ESR1: variants seen among roughly 807,000 people sequenced by gnomAD.
The protein encoded by ESR1 is estrogen receptor 1.
ESR1 carries 12 observed loss-of-function variants against 52.7 expected under a neutral mutation model. That is an observed-to-expected ratio of 0.23 (90% CI 0.15 to 0.37). The LOEUF (loss-of-function observed/expected upper bound fraction) is 0.37, where lower values mean the gene tolerates loss of function less well. Among genes scored for constraint, ESR1 ranks in the 10% least tolerant of loss-of-function variants. The pLI, the probability that ESR1 is intolerant of heterozygous loss-of-function variation, is 1.00. For missense variants in ESR1, 584 were observed against 779.7 expected (o/e 0.75, Z 2.99); for synonymous variants, 305 against 316.8 (o/e 0.96, Z 0.39).
chr6:151,728,394 T>A (rs962401879), intron 2 of ESR1, among the ~76,000 whole-genome samples: 2 of 152,172 alleles, frequency 1.3e-5, no homozygotes, highest in African/African-American at 2.4e-5. Flanking sequence ...CATTGAAAAA[T>A]GTTTAAATCT....
intron 2 of ESR1, among the ~76,000 whole-genome samples, chr6:151,779,712 G>T (rs1270747829): frequency 6.6e-6 from 1 of 151,864 alleles, no homozygotes; most frequent in Non-Finnish European, 1.5e-5. Context: ...CTACTATAAA[G>T]ACACATGCAC....
intron 6 of ESR1, among the ~76,000 whole-genome samples, chr6:152,065,981 C>T (rs2047935042): frequency 6.6e-6 from 1 of 152,234 alleles, no homozygotes; most frequent in South Asian, 2.1e-4. Flanking sequence ...ATGGCAACAT[C>T]TCTAAAATGT....
At chr6:152,018,465 C>A (rs114607411) in intron 5 of ESR1, among the ~76,000 whole-genome samples, 2,244 of 151,830 alleles carry the variant, frequency 0.015, 55 homozygotes, top group African/African-American at 0.052. Flanking sequence ...TTGAATTCAT[C>A]CACGTGTGTT....
intron 2 of ESR1, among the ~76,000 whole-genome samples, chr6:151,739,874 A>C (rs1449755722): frequency 6.6e-6 from 1 of 151,972 alleles, no homozygotes; most frequent in African/African-American, 2.4e-5. Flanking sequence ...CATGGTCCTT[A>C]TTTGTCATCT....
At chr6:152,108,428 T>A in intron 6 of ESR1, among the ~76,000 whole-genome samples, 1 of 152,248 alleles carries the variant, frequency 6.6e-6, no homozygotes, top group East Asian at 1.9e-4. Flanking sequence ...TTGTTATACA[T>A]CTTTGGTCAA....
intron 2 of ESR1, among the ~76,000 whole-genome samples, chr6:151,772,170 A>G (rs1185156036): frequency 6.6e-6 from 1 of 152,152 alleles, no homozygotes; most frequent in African/African-American, 2.4e-5. Context: ...CACTTTAGTA[A>G]TGGTGGATTT....
chr6:151,730,418 C>A (rs1782155461), intron 2 of ESR1, among the ~76,000 whole-genome samples: 1 of 152,142 alleles, frequency 6.6e-6, no homozygotes, highest in Non-Finnish European at 1.5e-5. Flanking sequence ...TCTGGCCTCC[C>A]ATTTTCCAGA....
chr6:151,830,355 T>C (rs1467918935), intron 1 of ESR1, among the ~76,000 whole-genome samples: 2 of 152,202 alleles, frequency 1.3e-5, no homozygotes, highest in African/African-American at 4.8e-5. Flanking sequence ...AGCTAGATGC[T>C]CACTCAATGC....
At chr6:152,103,571 C>T (rs982106930), downstream of ESR1, among the ~76,000 whole-genome samples, 1 of 152,316 alleles carries the variant, frequency 6.6e-6, no homozygotes, top group South Asian at 2.1e-4. Flanking sequence ...AGTAATAACA[C>T]CTAATTCACA....
At chr6:152,086,372 GTATTTAAATAAATACTTAATATT>G (rs1393048632) in intron 6 of ESR1, among the ~76,000 whole-genome samples, 1 of 149,084 alleles carries the variant, frequency 6.7e-6, no homozygotes, top group Non-Finnish European at 1.5e-5. Flanking sequence ...ATTACAAAAT[GTATTTAAATAAATACTTAATATT>G]TATTTAAATA....
rs990829554 is a variant in ESR1, at chr6:152,061,439, T to C, written c.1369+315T>C. ...ATAGACATATGTTAGTTGATAGTTA[T>C]ATTATGTCTGAAAATAAGTAGACCA... On this transcript the variant is annotated intron_variant, in intron 6 of 7. Transcript: ENST00000206249. The surrounding 1 kb of genome is among the most constrained non-coding windows in gnomAD (Gnocchi z 4.3). Among the ~76,000 whole-genome samples, 2 of 152,246 alleles carry C rather than the reference T, an allele frequency of 1.3e-5. No homozygotes were observed. Among genetic ancestry groups the C allele is most frequent in the African/African-American group, 2.4e-5 (1 of 41,464 alleles).
At chr6:151,881,200 C>T (rs1792852162) in intron 3 of ESR1, among the ~76,000 whole-genome samples, 1 of 152,128 alleles carries the variant, frequency 6.6e-6, no homozygotes, top group African/African-American at 2.4e-5. Context: ...AATTTATAGC[C>T]TTCCAGTCTG....
chr6:151,919,765 TG>T (rs1471734757), intron 3 of ESR1, among the ~76,000 whole-genome samples: 2 of 152,174 alleles, frequency 1.3e-5, no homozygotes, highest in African/African-American at 4.8e-5. Context: ...ATAGAGGATC[TG>T]AGAAAACTTA....
At chr6:151,986,711 C>A (rs937293139) in intron 4 of ESR1, among the ~76,000 whole-genome samples, 1 of 152,074 alleles carries the variant, frequency 6.6e-6, no homozygotes, top group Non-Finnish European at 1.5e-5. Context: ...TAGTGGAAAC[C>A]ATTTTGACCA....
At position 151,984,832 on chromosome 6, in the gene ESR1, T is replaced by A. The variant is rs568925865; in HGVS notation, c.1097-26824T>A. ...TTAATTTTTCTTTGAATTCTAAATA[T>A]TATCCTTCTTTAGTTCACCATAGTT... is the stretch of plus-strand genomic sequence containing the variant. On this transcript the variant is annotated intron_variant, in intron 4 of 7. Transcript: ENST00000206249. Among the ~76,000 whole-genome samples, 3 of 152,256 alleles carry A rather than the reference T, an allele frequency of 2.0e-5. No individual in the cohort carries two copies. The East Asian group carries it at 5.8e-4, about 29-fold the overall frequency.
At chr6:151,833,827 T>C (rs1174606060) in intron 1 of ESR1, among the ~76,000 whole-genome samples, 3 of 152,158 alleles carry the variant, frequency 2.0e-5, no homozygotes, top group African/African-American at 7.2e-5. Context: ...AAGCGTACAT[T>C]TCACTGGGGA....
At chr6:152,044,580 GTC>G (rs35633347) in intron 5 of ESR1, among the ~76,000 whole-genome samples, 63,996 of 151,978 alleles carry the variant, frequency 0.42, 14,885 homozygotes, top group African/African-American at 0.61. Flanking sequence ...GCGGCCTTCA[GTC>G]TCTGGCTGAC....
At chr6:151,985,746 C>T (rs1462195546) in intron 4 of ESR1, among the ~76,000 whole-genome samples, 1 of 152,014 alleles carries the variant, frequency 6.6e-6, no homozygotes, top group Non-Finnish European at 1.5e-5. Context: ...CGGCTCACTG[C>T]AACCTCCGCC....
chr6:151,883,588 C>T (rs550569060), intron 3 of ESR1, among the ~76,000 whole-genome samples: 36 of 152,138 alleles, frequency 2.4e-4, no homozygotes, highest in African/African-American at 7.7e-4. Context: ...TTAGTTACCG[C>T]CAAAAAGGCC....
Sources: allele counts gnomAD v4.1 joint callset (sites outside exome capture counted in the v4.1 genomes callset), GRCh38; gene constraint gnomAD v4.1.1; non-coding constraint Gnocchi (gnomAD v3.1); transcripts MANE v1.5; gene names NCBI Gene and HGNC (gene_info 2026-07-23, HGNC 2026-07-21).